SETD7: variants seen among roughly 807,000 people sequenced by gnomAD.
SETD7 encodes the protein SET domain containing 7, histone lysine methyltransferase, also known as histone-lysine N-methyltransferase SETD7.
In SETD7, 16 loss-of-function variants were observed where a neutral mutation model predicts 41.8. That is an observed-to-expected ratio of 0.38 (90% CI 0.26 to 0.58). The LOEUF (loss-of-function observed/expected upper bound fraction) is 0.58. Ranked by LOEUF, SETD7 falls within the 20% of genes least tolerant of loss-of-function variation. The pLI is 0.64. For missense variants in SETD7, 346 were observed against 459.7 expected (o/e 0.75, Z 2.26); for synonymous variants, 163 against 169.7 (o/e 0.96, Z 0.31).
rs758597887 is a variant in SETD7 at position 139,520,266 on chromosome 4, G to C, written c.762+11C>G. 1.4e-6 allele frequency: 2 copies of C among 1,423,846 alleles called. No individual in the cohort carries two copies. Among genetic ancestry groups the C allele is most frequent in the Non-Finnish European group, 1.9e-6 (2 of 1,028,902 alleles). The allele number at this position is 1,423,846 out of a possible 1,614,324, so 88.2% of individuals were successfully genotyped here. On this transcript the variant is annotated intron_variant, in intron 6 of 7. Transcript: ENST00000274031. ...CAACAAAGTTGATTTTCCACTGTCA[G>C]CCCCACTCACCTCTTGGTGTGTAAT...
intron 5 of SETD7, 63 bp from the exon 6 acceptor site, chr4:139,520,457 C>G: frequency 1.1e-6 from 1 of 916,244 alleles, no homozygotes; most frequent in Non-Finnish European, 1.7e-6. Flanking sequence ...CTTACATCAA[C>G]TGCCAAAATA....
Position 139,556,146 on chromosome 4 carries a change from G to C in SETD7, c.-9C>G. 6.3e-7 allele frequency: 1 copy of C among 1,596,382 alleles called. No individual in the cohort carries two copies. Among genetic ancestry groups the C allele is most frequent in the Non-Finnish European group, 8.5e-7 (1 of 1,172,288 alleles). ...TCGTCGTCGCTATCCATGGCGGCTG[G>C]GGACACTGCCCAGCTCGGGGCTGCG... On this transcript the variant is annotated 5_prime_UTR_variant, in exon 1 of 8. Transcript: ENST00000274031.
chr4:139,518,281 A>G (rs1426456708), intron 6 of SETD7, among the ~76,000 whole-genome samples: 1 of 152,130 alleles, frequency 6.6e-6, no homozygotes, highest in Non-Finnish European at 1.5e-5. Context: ...GGTGTGCACC[A>G]CCATGCCTGG....
chr4:139,507,481 A>G lies in SETD7; in HGVS notation c.*4182T>C, dbSNP rs1260346368. 3 of 152,620 alleles carry G rather than the reference A, an allele frequency of 2.0e-5. No homozygotes were observed. The highest frequency in any genetic ancestry group is 7.2e-5 in the African/African-American group (3 of 41,410). The allele number at this position is 152,620 out of a possible 1,614,324, so 9.5% of individuals were successfully genotyped here. A position where few individuals can be genotyped will look rare whatever the true frequency, so the allele number is the denominator to read the frequency against. The stretch of plus-strand genomic sequence containing the variant: ...CTGCATTACATCTCAATAGACTCAG[A>G]TAATTCTCACCAAAATTTTTGTAAT... On this transcript the variant is annotated 3_prime_UTR_variant, in exon 8 of 8. Transcript: ENST00000274031.
At chr4:139,495,481 C>T (rs1450588483), downstream of SETD7, among the ~76,000 whole-genome samples, 3 of 152,116 alleles carry the variant, frequency 2.0e-5, no homozygotes, top group Non-Finnish European at 4.4e-5. Flanking sequence ...ACTCACAGTT[C>T]TGCATGGCTG....
intron 5 of SETD7, among the ~76,000 whole-genome samples, chr4:139,523,051 G>C (rs932747483): frequency 6.6e-6 from 1 of 152,106 alleles, no homozygotes; most frequent in Non-Finnish European, 1.5e-5. Flanking sequence ...ACCATGCCTG[G>C]CCTCAACTGC....
rs1336625117 is a variant in SETD7, at chr4:139,508,982, G to A, written c.*2681C>T. 6.6e-6 allele frequency: 1 copy of A among 152,526 alleles called. No homozygotes were observed. Among genetic ancestry groups the A allele is most frequent in the African/African-American group, 2.4e-5 (1 of 41,406 alleles). 9.4% of individuals were successfully genotyped at this position (152,526 alleles called of 1,614,324 possible). On this transcript the variant is annotated 3_prime_UTR_variant, in exon 8 of 8. Coordinates refer to ENST00000274031, the MANE Select transcript of SETD7 (RefSeq NM_030648.4). ...TTTGGGAGTATGTGTGTGTGTGAGG[G>A]GAGGGGTGGGGAAGACAGAGCCAGA...
At chr4:139,521,896 A>C (rs1727188726) in intron 5 of SETD7, among the ~76,000 whole-genome samples, 1 of 152,238 alleles carries the variant, frequency 6.6e-6, no homozygotes, top group Non-Finnish European at 1.5e-5. Flanking sequence ...ACCCAACTTG[A>C]AACCTGGAGT....
intron 1 of SETD7, 59 bp downstream of exon 1, chr4:139,556,039 T>C (rs1050485849): frequency 5.3e-6 from 8 of 1,509,290 alleles, no homozygotes; most frequent in African/African-American, 1.4e-5. Context: ...AGCCCGCCAC[T>C]CCTTCCGCGC....
intron 7 of SETD7, 127 bp from the exon 8 acceptor site, chr4:139,511,970 A>C: frequency 7.0e-7 from 1 of 1,426,350 alleles, no homozygotes; most frequent in Non-Finnish European, 9.2e-7. Flanking sequence ...TATGTGCCCA[A>C]AGTGTGGTCA....
Position 139,506,684 on chromosome 4 carries a change from C to T in SETD7, c.*4979G>A, listed in dbSNP as rs1187173856. ...CCTAATATGTATCATTTCATTATATCCAGGACCAAAGTGGAAAAAAAACCC... is the reference window on the plus strand; with the variant it reads ...CCTAATATGTATCATTTCATTATATTCAGGACCAAAGTGGAAAAAAAACCC... On this transcript the variant is annotated 3_prime_UTR_variant, in exon 8 of 8. Coordinates refer to ENST00000274031, the MANE Select transcript of SETD7 (RefSeq NM_030648.4). 2 of 152,478 alleles carry T rather than the reference C, an allele frequency of 1.3e-5. No homozygotes were observed. The highest frequency in any genetic ancestry group is 2.9e-5 in the Non-Finnish European group (2 of 68,014). 9.4% of individuals were successfully genotyped at this position (152,478 alleles called of 1,614,324 possible).
At chr4:139,540,920 T>C (rs1727761556) in intron 2 of SETD7, among the ~76,000 whole-genome samples, 1 of 152,150 alleles carries the variant, frequency 6.6e-6, no homozygotes, top group South Asian at 2.1e-4. Flanking sequence ...ACACAAGAAA[T>C]CCTGCATAGA....
intron 1 of SETD7, among the ~76,000 whole-genome samples, chr4:139,553,555 C>G (rs990626633): frequency 6.6e-6 from 1 of 152,226 alleles, no homozygotes; most frequent in Non-Finnish European, 1.5e-5. Flanking sequence ...CCAAGCCAGT[C>G]TCTCCACCTC....
At chr4:139,525,270 T>C (rs1157417289) in intron 4 of SETD7, among the ~76,000 whole-genome samples, 1 of 152,212 alleles carries the variant, frequency 6.6e-6, no homozygotes, top group Non-Finnish European at 1.5e-5. Context: ...ACTGTGTAGA[T>C]ACAATAAGGA....
intron 3 of SETD7, among the ~76,000 whole-genome samples, chr4:139,529,778 T>C (rs1031088419): frequency 6.6e-6 from 1 of 152,228 alleles, no homozygotes; most frequent in Non-Finnish European, 1.5e-5. Flanking sequence ...ATCTGCACTT[T>C]TTCAGAGGCA....
At chr4:139,513,126 T>G (rs1370033154) in intron 7 of SETD7, among the ~76,000 whole-genome samples, 1 of 151,848 alleles carries the variant, frequency 6.6e-6, no homozygotes, top group South Asian at 2.1e-4. Flanking sequence ...CTAAGTTAGA[T>G]TGGTGCTTGG....
intron 1 of SETD7, among the ~76,000 whole-genome samples, chr4:139,549,318 A>G (rs1037935221): frequency 1.3e-5 from 2 of 152,250 alleles, no homozygotes; most frequent in Admixed American, 6.5e-5. Flanking sequence ...AAAATGTCCA[A>G]TATAAATTAA....
downstream of SETD7, among the ~76,000 whole-genome samples, chr4:139,494,518 C>A (rs988658938): frequency 1.3e-5 from 2 of 152,106 alleles, no homozygotes; most frequent in African/African-American, 4.8e-5. Flanking sequence ...TAAACAGTGT[C>A]TTTTGTTACA....
At chr4:139,504,301 T>A (rs1327933938), downstream of SETD7, among the ~76,000 whole-genome samples, 1 of 152,196 alleles carries the variant, frequency 6.6e-6, no homozygotes, top group East Asian at 1.9e-4. Context: ...TTGGTTTTTG[T>A]AAATAAACAA....
Sources: allele counts gnomAD v4.1 joint callset (sites outside exome capture counted in the v4.1 genomes callset), GRCh38; gene constraint gnomAD v4.1.1; transcripts MANE v1.5; gene names NCBI Gene and HGNC (gene_info 2026-07-23, HGNC 2026-07-21).